The following LEMD3 variants were observed in gnomAD, a reference collection of about 807,000 sequenced individuals.
The protein encoded by LEMD3 is inner nuclear membrane protein Man1.
LEMD3 carries 33 observed loss-of-function variants against 95.2 expected under a neutral mutation model. That is an observed-to-expected ratio of 0.35 (90% CI 0.26 to 0.46). LEMD3 has a LOEUF of 0.46. Ranked by LOEUF, LEMD3 falls within the 20% of genes least tolerant of loss-of-function variation. LEMD3 has a pLI of 1.00. For missense variants in LEMD3, 1,210 were observed against 1,192.8 expected (o/e 1.01, Z -0.21); for synonymous variants, 525 against 474.6 (o/e 1.11, Z -1.38).
chr12:65,201,291 A>G (rs1306157313), intron 1 of LEMD3, among the ~76,000 whole-genome samples: 2 of 152,112 alleles, frequency 1.3e-5, no homozygotes, highest in Non-Finnish European at 2.9e-5. Flanking sequence ...TTGCCTTTCC[A>G]TATAAATAAA....
chr12:65,174,579 T>G (rs1359862950), intron 1 of LEMD3, among the ~76,000 whole-genome samples: 1 of 152,176 alleles, frequency 6.6e-6, no homozygotes, highest in Admixed American at 6.5e-5. Context: ...GCTGCCCCCA[T>G]ATAAATAAGT....
chr12:65,182,283 G>T (rs1470808470), intron 1 of LEMD3, among the ~76,000 whole-genome samples: 1 of 152,002 alleles, frequency 6.6e-6, no homozygotes, highest in Non-Finnish European at 1.5e-5. Flanking sequence ...GTTAAATGAG[G>T]GTATAGTAAA....
At chr12:65,204,259 C>T (rs1284092615) in intron 1 of LEMD3, among the ~76,000 whole-genome samples, 2 of 151,402 alleles carry the variant, frequency 1.3e-5, no homozygotes, top group Admixed American at 6.6e-5. Flanking sequence ...TGATTTGCTG[C>T]GCTGATCATT....
chr12:65,227,099 G>C (rs1234605420), intron 4 of LEMD3, among the ~76,000 whole-genome samples: 2 of 152,130 alleles, frequency 1.3e-5, no homozygotes, highest in Non-Finnish European at 2.9e-5. Context: ...CAGTGTTATG[G>C]GATGGACGAA....
intron 4 of LEMD3, among the ~76,000 whole-genome samples, chr12:65,220,643 C>T (rs1283853715): frequency 1.3e-5 from 2 of 152,080 alleles, no homozygotes; most frequent in Non-Finnish European, 2.9e-5. Flanking sequence ...AATTATTGCC[C>T]ATATCAACGT....
At chr12:65,220,176 G>C (rs1215615436) in intron 4 of LEMD3, among the ~76,000 whole-genome samples, 1 of 152,078 alleles carries the variant, frequency 6.6e-6, no homozygotes, top group African/African-American at 2.4e-5. Flanking sequence ...TAGTATAGTA[G>C]GATTCCAGTT....
intron 9 of LEMD3, among the ~76,000 whole-genome samples, chr12:65,241,999 C>G (rs1870953105): frequency 6.6e-6 from 1 of 152,164 alleles, no homozygotes; most frequent in South Asian, 2.1e-4. Flanking sequence ...TGTAACAAAT[C>G]TGCATGTCCT....
At chr12:65,185,176 A>G (rs1869022820) in intron 1 of LEMD3, among the ~76,000 whole-genome samples, 1 of 152,108 alleles carries the variant, frequency 6.6e-6, no homozygotes, top group African/African-American at 2.4e-5. Flanking sequence ...ATGAATTCAT[A>G]ATATAATGTT....
intron 4 of LEMD3, among the ~76,000 whole-genome samples, chr12:65,230,442 T>G (rs1870587845): frequency 6.6e-6 from 1 of 152,074 alleles, no homozygotes; most frequent in Non-Finnish European, 1.5e-5. Flanking sequence ...TTTATGGTGT[T>G]TTATGGTTTT....
intron 1 of LEMD3, among the ~76,000 whole-genome samples, chr12:65,184,703 C>T (rs1411782874): frequency 6.6e-6 from 1 of 152,082 alleles, no homozygotes; most frequent in African/African-American, 2.4e-5. Context: ...GTTTTATGCT[C>T]ATTCGTATCT....
At chr12:65,216,459 T>A (rs1383416946) in intron 3 of LEMD3, among the ~76,000 whole-genome samples, 1 of 152,042 alleles carries the variant, frequency 6.6e-6, no homozygotes, top group African/African-American at 2.4e-5. Context: ...CTCCTGTAAT[T>A]TTCTCTCCGG....
intron 1 of LEMD3, among the ~76,000 whole-genome samples, chr12:65,176,697 GAT>G (rs1868730798): frequency 6.6e-6 from 1 of 152,136 alleles, no homozygotes; most frequent in Non-Finnish European, 1.5e-5. Flanking sequence ...CTATACTAGA[GAT>G]ATAATTGCCT....
intron 1 of LEMD3, among the ~76,000 whole-genome samples, chr12:65,182,539 T>G (rs994678245): frequency 2.6e-5 from 4 of 152,202 alleles, no homozygotes; most frequent in Non-Finnish European, 4.4e-5. Context: ...TCAAGCTGTC[T>G]GAGCAGATAA....
intron 10 of LEMD3, among the ~76,000 whole-genome samples, chr12:65,244,416 C>T (rs1871034361): frequency 6.6e-6 from 1 of 151,964 alleles, no homozygotes; most frequent in African/African-American, 2.4e-5. Flanking sequence ...TATTTTATTA[C>T]CTAAGATGAA....
chr12:65,244,663 T>C (rs1871041855), intron 10 of LEMD3, among the ~76,000 whole-genome samples: 1 of 152,142 alleles, frequency 6.6e-6, no homozygotes, highest in African/African-American at 2.4e-5. Flanking sequence ...GAAAATAACA[T>C]TCGGCTGGGC....
In LEMD3 at chr12:65,210,962, A is replaced by T. The variant is rs1869919721; in HGVS notation, c.1559A>T (p.Gln520Leu). The T allele has an allele frequency of 1.9e-6, 3 of 1,586,408 alleles. No individual in the cohort carries two copies. In the South Asian group the frequency reaches 3.3e-5, roughly 18 times the overall value. Residue 520 changes from glutamine (Q) to leucine (L), a missense_variant and splice_region_variant, in exon 2 of 13, where the codon CAA becomes CTA. This residue lies in a region of LEMD3 where 461 missense variants were observed against 569.8 expected (regional missense o/e 0.81). Transcript: ENST00000308330. The stretch of plus-strand genomic sequence containing the variant: ...TTTGGTGAAACATTTGGAAAAATAC[A>T]AGTAAGTAAACGATCATAATACTGA... The part of the protein sequence containing the change: ...NPFGETFGKI[Q>L]ESEKTLMMNT...
At chr12:65,203,124 C>T (rs889483204) in intron 1 of LEMD3, among the ~76,000 whole-genome samples, 1 of 152,102 alleles carries the variant, frequency 6.6e-6, no homozygotes, top group African/African-American at 2.4e-5. Context: ...AAGGTGGAAG[C>T]TTATAAATGA....
At chr12:65,203,033 T>G (rs1869652395) in intron 1 of LEMD3, among the ~76,000 whole-genome samples, 1 of 152,180 alleles carries the variant, frequency 6.6e-6, no homozygotes, top group Non-Finnish European at 1.5e-5. Context: ...TTCCTGTTTT[T>G]TAATTTCATT....
chr12:65,225,936 C>T (rs764056958), intron 4 of LEMD3, among the ~76,000 whole-genome samples: 9 of 152,148 alleles, frequency 5.9e-5, no homozygotes, highest in Admixed American at 1.3e-4. Context: ...GAGTCCTATC[C>T]GCATTTTGAA....
Sources: gnomAD v4.1 joint callset for allele counts (sites outside exome capture counted in the v4.1 genomes callset) on GRCh38, gnomAD v4.1.1 for gene constraint, gnomAD v4.1.1 regional missense constraint, MANE v1.5 for transcripts, NCBI Gene and HGNC (gene_info 2026-07-23, HGNC 2026-07-21) for gene names.